DCAF6: variants seen among roughly 807,000 people sequenced by gnomAD.
DCAF6 encodes DDB1- and CUL4-associated factor 6.
Under a neutral mutation model 125.1 loss-of-function variants are expected in DCAF6, and 54 were observed. The ratio of observed to expected loss-of-function variants is 0.43; its 90% CI spans 0.35 to 0.54. The LOEUF (loss-of-function observed/expected upper bound fraction) is 0.54, where lower values mean the gene tolerates loss of function less well. Ranked by LOEUF, DCAF6 falls within the 20% of genes least tolerant of loss-of-function variation. DCAF6 has a pLI of 0.01. For missense variants in DCAF6, 934 were observed against 1,161.7 expected, an observed-to-expected ratio of 0.80 and a Z score of 2.85; for synonymous variants, 371 against 390.4, an observed-to-expected ratio of 0.95 and a Z score of 0.58.
intron 11 of DCAF6, among the ~76,000 whole-genome samples, chr1:168,021,583 G>C (rs1685675592): frequency 1.3e-5 from 2 of 152,124 alleles, no homozygotes; most frequent in South Asian, 4.1e-4. Context: ...GTGTACTAAA[G>C]ATTTAACTGT....
chr1:168,027,676 G>T (rs1686520417), intron 12 of DCAF6, among the ~76,000 whole-genome samples: 1 of 151,960 alleles, frequency 6.6e-6, no homozygotes. Flanking sequence ...TACTTGGAAG[G>T]ATTACCAAGG....
chr1:168,044,475 G>T, intron 14 of DCAF6, 110 bp from the exon 15 acceptor site: 1 of 723,168 alleles, frequency 1.4e-6, no homozygotes, highest in Non-Finnish European at 2.5e-6. Context: ...CAAATATTAT[G>T]CCATTATATA....
intron 17 of DCAF6, among the ~76,000 whole-genome samples, chr1:168,057,737 G>T (rs1326339713): frequency 6.6e-6 from 1 of 152,106 alleles, no homozygotes; most frequent in East Asian, 1.9e-4. Flanking sequence ...GGCTTTGCAG[G>T]GCTTTGAGAG....
intron 12 of DCAF6, among the ~76,000 whole-genome samples, chr1:168,034,397 G>A (rs2103338576): frequency 6.6e-6 from 1 of 152,252 alleles, no homozygotes; most frequent in East Asian, 1.9e-4. Context: ...TGCAATCCTA[G>A]CTACTTGGGA....
intron 21 of DCAF6, among the ~76,000 whole-genome samples, chr1:168,071,567 G>C (rs535581492): frequency 7.4e-4 from 112 of 152,380 alleles, no homozygotes; most frequent in African/African-American, 2.6e-3. Context: ...TTGGGAGGTA[G>C]AGGTTGCAGT....
chr1:168,033,075 A>G (rs182141), intron 12 of DCAF6, among the ~76,000 whole-genome samples: 126 of 152,176 alleles, frequency 8.3e-4, no homozygotes, highest in African/African-American at 2.8e-3. Flanking sequence ...TTAGAACCTC[A>G]TGATTATAAT....
chr1:168,073,995 A>C (rs1431743093), intron 21 of DCAF6, among the ~76,000 whole-genome samples: 2 of 148,966 alleles, frequency 1.3e-5, no homozygotes, highest in Non-Finnish European at 3.0e-5. Flanking sequence ...TAAATGAACA[A>C]AATAAGATTT....
chr1:167,911,006 C>G, the DCAF6 span, among the ~76,000 whole-genome samples: 2 of 152,330 alleles, frequency 1.3e-5, no homozygotes, highest in Non-Finnish European at 2.9e-5. Flanking sequence ...CCACACTCTC[C>G]TCACATGCAT....
At chr1:168,008,371 TG>T (rs1183601974) in intron 10 of DCAF6, among the ~76,000 whole-genome samples, 1 of 152,214 alleles carries the variant, frequency 6.6e-6, no homozygotes, top group Non-Finnish European at 1.5e-5. Flanking sequence ...TTTGCTTATT[TG>T]AATAACCTGT....
the DCAF6 span, chr1:167,905,211 T>C: frequency 1.3e-6 from 2 of 1,536,642 alleles, no homozygotes; most frequent in Non-Finnish European, 1.8e-6. Flanking sequence ...AAAAAGAAAA[T>C]TGAAATAGAG....
chr1:168,042,940 C>T (rs1186249017), intron 13 of DCAF6, 85 bp from the exon 14 acceptor site: 5 of 956,802 alleles, frequency 5.2e-6, no homozygotes, highest in African/African-American at 1.7e-5. Flanking sequence ...TTTTGGTCTA[C>T]CTTTCTAGTT....
chr1:167,943,845 C>A (rs1016704171), intron 1 of DCAF6, among the ~76,000 whole-genome samples: 2 of 151,148 alleles, frequency 1.3e-5, no homozygotes, highest in Non-Finnish European at 2.9e-5. Flanking sequence ...TGATTTCATT[C>A]ATTTTTTTTT....
At chr1:168,026,309 G>C (rs1402800433) in intron 12 of DCAF6, among the ~76,000 whole-genome samples, 1 of 152,148 alleles carries the variant, frequency 6.6e-6, no homozygotes, top group Non-Finnish European at 1.5e-5. Flanking sequence ...TTAAACGAGT[G>C]AGTAAATGAA....
At chr1:168,002,386 A>AG in intron 7 of DCAF6, 96 bp from the exon 8 acceptor site, 7 of 1,021,798 alleles carry the variant, frequency 6.9e-6, no homozygotes, top group Non-Finnish European at 1.1e-5. Context: ...CTCAAGAAGT[A>AG]GGGAGATGGA....
the DCAF6 span, among the ~76,000 whole-genome samples, chr1:167,869,183 G>A: frequency 1.3e-5 from 2 of 152,152 alleles, no homozygotes; most frequent in Non-Finnish European, 2.9e-5. Flanking sequence ...CCCAGCACTA[G>A]GAGGATTTAA....
At chr1:167,864,419 G>A in the DCAF6 span, among the ~76,000 whole-genome samples, 1 of 152,190 alleles carries the variant, frequency 6.6e-6, no homozygotes, top group African/African-American at 2.4e-5. Context: ...AGGAAGCCTA[G>A]ACAGGTCCCT....
At chr1:168,004,028 C>A in intron 9 of DCAF6, 39 bp downstream of exon 9, 2 of 1,594,726 alleles carry the variant, frequency 1.3e-6, no homozygotes, top group Non-Finnish European at 1.7e-6. Context: ...AGAAAGCTGG[C>A]AAAAACTACT....
chr1:168,016,905 A>G (rs981871810), intron 11 of DCAF6, among the ~76,000 whole-genome samples: 1 of 151,970 alleles, frequency 6.6e-6, no homozygotes, highest in African/African-American at 2.4e-5. Context: ...TTCTAATTTG[A>G]TTATTTGGAA....
chr1:167,868,027 C>T, the DCAF6 span, among the ~76,000 whole-genome samples: 6 of 151,984 alleles, frequency 3.9e-5, no homozygotes, highest in African/African-American at 1.2e-4. Flanking sequence ...TATCTCTGGG[C>T]GTCGATAAAA....
Sources: allele counts gnomAD v4.1 joint callset (sites outside exome capture counted in the v4.1 genomes callset), GRCh38; gene constraint gnomAD v4.1.1; transcripts MANE v1.5; gene names NCBI Gene and HGNC (gene_info 2026-07-23, HGNC 2026-07-21).